Variants in IST1 observed in about 807,000 individuals in gnomAD.
IST1 encodes IST1 homolog.
Under a neutral mutation model 37.0 loss-of-function variants are expected in IST1, and 23 were observed. The observed-to-expected ratio is 0.62, with a 90% confidence interval of 0.45 to 0.88. The LOEUF (loss-of-function observed/expected upper bound fraction) is 0.88. Among genes scored for constraint, IST1 ranks in the 40% least tolerant of loss-of-function variants. The pLI is 0.00. For synonymous variants in IST1, 180 were observed against 161.7 expected (o/e 1.11, Z -0.86); for missense variants, 488 against 445.4 (o/e 1.10, Z -0.86).
chr16:71,922,842 C>A (rs972348759), intron 7 of IST1, 162 bp downstream of exon 7: 10 of 636,526 alleles, frequency 1.6e-5, no homozygotes, highest in Non-Finnish European at 2.2e-5. Context: ...ACATTGGATT[C>A]AGAGAAGGTC....
At chr16:71,925,935 A>G (rs1372394490) in intron 9 of IST1, among the ~76,000 whole-genome samples, 1 of 152,172 alleles carries the variant, frequency 6.6e-6, no homozygotes, top group East Asian at 1.9e-4. Context: ...CCCTGTCTTA[A>G]AAAACAAAAA....
chr16:71,927,527 G>T, intron 9 of IST1, 87 bp from the exon 10 acceptor site: 1 of 949,044 alleles, frequency 1.1e-6, no homozygotes, highest in South Asian at 1.4e-5. Flanking sequence ...GTTTTCTCCT[G>T]TGTTTTGATC....
intron 1 of IST1, among the ~76,000 whole-genome samples, chr16:71,896,770 G>C (rs373916746): frequency 3.9e-5 from 6 of 152,150 alleles, no homozygotes; most frequent in East Asian, 3.9e-4. Flanking sequence ...ACTTGAGCTT[G>C]GGAGTTGGAG....
intron 1 of IST1, among the ~76,000 whole-genome samples, chr16:71,897,280 A>G (rs1288289129): frequency 6.7e-6 from 1 of 148,506 alleles, no homozygotes; most frequent in East Asian, 2.0e-4. Context: ...AAATGCTGGG[A>G]TTAGAAGTAT....
At chr16:71,905,943 G>A (rs547962481) in intron 1 of IST1, among the ~76,000 whole-genome samples, 3 of 150,276 alleles carry the variant, frequency 2.0e-5, no homozygotes, top group South Asian at 4.2e-4. Context: ...GCTTTATAAT[G>A]TTCTGGGTTT....
intron 1 of IST1, among the ~76,000 whole-genome samples, chr16:71,905,806 T>A (rs762885246): frequency 5.9e-5 from 9 of 152,214 alleles, no homozygotes; most frequent in Non-Finnish European, 1.3e-4. Context: ...TTGGTTATCT[T>A]ATGTATTACA....
At chr16:71,915,549 T>G in intron 1 of IST1, 77 bp from the exon 2 acceptor site, 3 of 872,192 alleles carry the variant, frequency 3.4e-6, no homozygotes, top group Non-Finnish European at 5.4e-6. Flanking sequence ...TTGTTTCACA[T>G]AATTCACCCC....
intron 1 of IST1, among the ~76,000 whole-genome samples, chr16:71,907,114 C>G (rs1289188730): frequency 1.3e-5 from 2 of 150,982 alleles, no homozygotes; most frequent in South Asian, 2.1e-4. Context: ...TTCAAGTTTG[C>G]TAAGCTTTTG....
chr16:71,930,979 A>G lies in IST1; in HGVS notation c.*3166A>G, dbSNP rs571718913. On this transcript the variant is annotated 3_prime_UTR_variant, in exon 10 of 10. Transcript: ENST00000378799. The stretch of plus-strand genomic sequence containing the variant: ...TACCTACTTAAAAATGATTATTATA[A>G]CAATTTCAGGTCAACCAGATAATGT... 1 of 152,214 alleles carries G rather than the reference A, an allele frequency of 6.6e-6. No individual in the cohort carries two copies. The highest frequency in any genetic ancestry group is 2.4e-5 in the African/African-American group (1 of 41,452). 9.4% of individuals were successfully genotyped at this position (152,214 alleles called of 1,614,324 possible). A position where few individuals can be genotyped will look rare whatever the true frequency, so the allele number is the denominator to read the frequency against.
At chr16:71,926,159 G>T (rs2037737525) in intron 9 of IST1, among the ~76,000 whole-genome samples, 1 of 151,654 alleles carries the variant, frequency 6.6e-6, no homozygotes, top group South Asian at 2.1e-4. Context: ...GCAGGCGCCT[G>T]TAATCCCAGC....
intron 7 of IST1, chr16:71,922,951 A>G (rs2037642610): frequency 1.9e-6 from 1 of 517,734 alleles, no homozygotes; most frequent in Non-Finnish European, 3.4e-6. Context: ...TAGTCATACT[A>G]GTAGTTTTTT....
At chr16:71,909,840 G>A (rs1006892613) in intron 1 of IST1, among the ~76,000 whole-genome samples, 1 of 152,318 alleles carries the variant, frequency 6.6e-6, no homozygotes, top group African/African-American at 2.4e-5. Flanking sequence ...TGTCTACTAA[G>A]GGCAAGATCT....
intron 1 of IST1, among the ~76,000 whole-genome samples, chr16:71,900,852 A>G (rs983981557): frequency 6.6e-6 from 1 of 152,218 alleles, no homozygotes; most frequent in Non-Finnish European, 1.5e-5. Flanking sequence ...TGTTGTAGAC[A>G]GTGGCTTAGC....
intron 1 of IST1, among the ~76,000 whole-genome samples, chr16:71,908,837 G>A (rs1234637968): frequency 2.0e-5 from 3 of 152,084 alleles, no homozygotes; most frequent in Non-Finnish European, 2.9e-5. Flanking sequence ...TGATAAACTC[G>A]CCGCCAGTTT....
Position 71,929,777 on chromosome 16 carries a change from G to A in IST1, c.*1964G>A. 1 of 1,180,616 alleles carries A rather than the reference G, an allele frequency of 8.5e-7. No homozygotes were observed. 73.1% of individuals were successfully genotyped at this position (1,180,616 alleles called of 1,614,324 possible). Reference sequence around the variant, plus strand: ...AAAGATTTTTAAAAAATTAGTAAATGTAAAGATACTATTTCTTTAATAATT... The same window carrying A: ...AAAGATTTTTAAAAAATTAGTAAATATAAAGATACTATTTCTTTAATAATT... On this transcript the variant is annotated 3_prime_UTR_variant, in exon 10 of 10. Transcript: ENST00000378799.
chr16:71,894,981 G>C, upstream of IST1: 1 of 694,246 alleles, frequency 1.4e-6, no homozygotes, highest in South Asian at 1.7e-5. Flanking sequence ...GGTCCAAAGG[G>C]CAACCGGACG....
Position 71,924,825 on chromosome 16 carries a change from G to T in IST1, c.901+8G>T. The T allele has an allele frequency of 3.1e-6, 5 of 1,589,954 alleles. No homozygotes were observed. The South Asian group carries it at 3.3e-5, about 11-fold the overall frequency. ...CTTCTGCACAGATTGTTGGTGAGTA[G>T]TATCAATCAGAAACCTGCAGAGCTC... is the stretch of plus-strand genomic sequence containing the variant. On this transcript the variant is annotated splice_region_variant and intron_variant, in intron 9 of 9. Coordinates refer to ENST00000378799, the MANE Select transcript of IST1 (RefSeq NM_001270975.2).
rs1486298344 is a variant in IST1 at position 71,916,651 on chromosome 16, T to C, written c.269+9T>C. The C allele has an allele frequency of 3.7e-6, 6 of 1,602,806 alleles. No individual in the cohort carries two copies. The highest frequency in any genetic ancestry group is 1.3e-5 in the African/African-American group (1 of 74,476). ...CTTATCCAGTCTATGAAGTAAGATA[T>C]TTTGATTCAGAGACCTAAATCATTT... On this transcript the variant is annotated intron_variant, in intron 3 of 9. Coordinates refer to ENST00000378799, the MANE Select transcript of IST1 (RefSeq NM_001270975.2).
At chr16:71,915,089 G>C (rs1207056096) in intron 1 of IST1, among the ~76,000 whole-genome samples, 6 of 152,264 alleles carry the variant, frequency 3.9e-5, no homozygotes, top group Admixed American at 3.3e-4. Context: ...GTACTCTTGG[G>C]TACTAGCTTT....
Sources: allele counts gnomAD v4.1 joint callset (sites outside exome capture counted in the v4.1 genomes callset), GRCh38; gene constraint gnomAD v4.1.1; transcripts MANE v1.5; gene names NCBI Gene and HGNC (gene_info 2026-07-23, HGNC 2026-07-21).